The following PTPRD variants were observed in gnomAD, a reference collection of about 807,000 sequenced individuals.
PTPRD encodes protein tyrosine phosphatase receptor type D, also known as receptor-type tyrosine-protein phosphatase delta.
A neutral mutation model predicts 214.5 loss-of-function variants in PTPRD; 34 were observed. The observed-to-expected ratio is 0.16, with a 90% CI of 0.12 to 0.21. PTPRD has a LOEUF of 0.21. PTPRD is among the 10% of genes least tolerant of loss of function. The pLI is 1.00. For missense variants in PTPRD, 2,545 were observed against 2,398.7 expected, an observed-to-expected ratio of 1.06 and a Z score of -1.27; for synonymous variants, 1,128 against 845.7, an observed-to-expected ratio of 1.33 and a Z score of -5.79.
At chr9:8,643,204 A>G (rs2096614454) in intron 12 of PTPRD, among the ~76,000 whole-genome samples, 2 of 152,254 alleles carry the variant, frequency 1.3e-5, no homozygotes, top group Admixed American at 1.3e-4. Context: ...GAATAAAGAA[A>G]TAACTGCTCC....
intron 11 of PTPRD, among the ~76,000 whole-genome samples, chr9:8,909,874 A>T (rs1482848074): frequency 6.6e-6 from 1 of 151,172 alleles, no homozygotes; most frequent in African/African-American, 2.4e-5. Context: ...GGCAAAAAAA[A>T]AAAAAAAGAA....
chr9:9,305,762 A>G (rs1410877253), intron 9 of PTPRD, among the ~76,000 whole-genome samples: 1 of 152,166 alleles, frequency 6.6e-6, no homozygotes, highest in Non-Finnish European at 1.5e-5. Context: ...CACAAAAAAG[A>G]CATGGGGAAA....
chr9:9,411,262 C>CTTTT (rs34617237), intron 8 of PTPRD, among the ~76,000 whole-genome samples: 5,605 of 139,794 alleles, frequency 0.04, 221 homozygotes, highest in African/African-American at 0.072. Flanking sequence ...AGCATTGTGT[C>CTTTT]TTTTTTTTTT....
At chr9:9,485,754 T>C (rs1314061621) in intron 8 of PTPRD, among the ~76,000 whole-genome samples, 2 of 152,312 alleles carry the variant, frequency 1.3e-5, no homozygotes, top group South Asian at 2.1e-4. Context: ...ATCTGATCCC[T>C]AACTGTCCCT....
intron 44 of PTPRD, among the ~76,000 whole-genome samples, chr9:8,328,730 T>A (rs1445345377): frequency 2.6e-5 from 4 of 152,120 alleles, no homozygotes; most frequent in African/African-American, 9.7e-5. Context: ...TTCATTTCTT[T>A]TTACTCTTTT....
intron 10 of PTPRD, among the ~76,000 whole-genome samples, chr9:9,142,288 C>T (rs117578820): frequency 6.6e-6 from 1 of 152,178 alleles, no homozygotes; most frequent in East Asian, 1.9e-4. Context: ...AGTAACAGGA[C>T]CACCAGGATG....
chr9:9,419,285 T>C (rs1206133786), intron 8 of PTPRD, among the ~76,000 whole-genome samples: 1 of 151,502 alleles, frequency 6.6e-6, no homozygotes, highest in African/African-American at 2.4e-5. Context: ...TTCAGATAAT[T>C]AAAAATTCTA....
chr9:8,601,396 T>C (rs1189891796), intron 14 of PTPRD, among the ~76,000 whole-genome samples: 6 of 152,164 alleles, frequency 3.9e-5, no homozygotes, highest in Non-Finnish European at 5.9e-5. Flanking sequence ...CAAACATAGA[T>C]AGTAGCCAGG....
At chr9:8,723,740 T>A (rs184803064) in intron 12 of PTPRD, among the ~76,000 whole-genome samples, 1 of 152,192 alleles carries the variant, frequency 6.6e-6, no homozygotes, top group Non-Finnish European at 1.5e-5. Flanking sequence ...TTTATAAGCA[T>A]CTTAAAAAGG....
At chr9:9,115,557 G>C (rs1406325259) in intron 10 of PTPRD, among the ~76,000 whole-genome samples, 2 of 152,044 alleles carry the variant, frequency 1.3e-5, no homozygotes, top group Non-Finnish European at 2.9e-5. Flanking sequence ...AGCCTCTATG[G>C]AAAACAATAT....
chr9:10,112,467 G>C (rs547382960), intron 3 of PTPRD, among the ~76,000 whole-genome samples: 1 of 152,082 alleles, frequency 6.6e-6, no homozygotes, highest in South Asian at 2.1e-4. Flanking sequence ...TGGCACTGAG[G>C]ATTTTTAAAA....
chr9:9,142,828 C>T (rs957155), intron 10 of PTPRD, among the ~76,000 whole-genome samples: 18,432 of 152,118 alleles, frequency 0.12, 1,188 homozygotes, highest in East Asian at 0.22. Flanking sequence ...TCATTCTTTT[C>T]ATTCATCTGG....
intron 12 of PTPRD, among the ~76,000 whole-genome samples, chr9:8,694,040 G>A (rs909670524): frequency 3.9e-5 from 6 of 152,160 alleles, no homozygotes; most frequent in African/African-American, 1.2e-4. Flanking sequence ...TCAAATGCTT[G>A]TACGTTTAAG....
chr9:9,266,592 A>AATAAATAAGTAGAATAAGTGGT (rs1297065528), intron 9 of PTPRD, among the ~76,000 whole-genome samples: 1 of 151,336 alleles, frequency 6.6e-6, no homozygotes, highest in Non-Finnish European at 1.5e-5. Flanking sequence ...TCAATAAGTG[A>AATAAATAAGTAGAATAAGTGGT]ATAAATAAGT....
At chr9:9,168,183 T>C (rs2099907823) in intron 10 of PTPRD, among the ~76,000 whole-genome samples, 1 of 152,200 alleles carries the variant, frequency 6.6e-6, no homozygotes, top group African/African-American at 2.4e-5. Flanking sequence ...AATTCACTAG[T>C]TGCCAAAGAG....
At chr9:10,518,812 G>C (rs148573956) in intron 2 of PTPRD, among the ~76,000 whole-genome samples, 1 of 151,722 alleles carries the variant, frequency 6.6e-6, no homozygotes, top group Non-Finnish European at 1.5e-5. Flanking sequence ...GATTACAGGC[G>C]TGAGCCACCG....
chr9:9,325,531 C>T (rs144194980), intron 9 of PTPRD, among the ~76,000 whole-genome samples: 1 of 152,186 alleles, frequency 6.6e-6, no homozygotes, highest in East Asian at 1.9e-4. Flanking sequence ...GTTATTTTTG[C>T]ACATTGATTT....
chr9:10,606,755 T>C (rs1328447628), intron 2 of PTPRD, among the ~76,000 whole-genome samples: 1 of 151,878 alleles, frequency 6.6e-6, no homozygotes, highest in African/African-American at 2.4e-5. Context: ...GTGAACACAA[T>C]GCTTGCCTGG....
intron 37 of PTPRD, among the ~76,000 whole-genome samples, chr9:8,384,126 G>T (rs2086139809): frequency 6.6e-6 from 1 of 152,164 alleles, no homozygotes. Flanking sequence ...TGCCAATTCT[G>T]CAAGCAAGGC....
Sources: gnomAD v4.1 joint callset for allele counts (sites outside exome capture counted in the v4.1 genomes callset) on GRCh38, gnomAD v4.1.1 for gene constraint, MANE v1.5 for transcripts, NCBI Gene and HGNC (gene_info 2026-07-23, HGNC 2026-07-21) for gene names.